Variants in GARNL3 observed in about 807,000 individuals in gnomAD.
The protein encoded by GARNL3 is GTPase activating Rap/RanGAP domain like 3.
A neutral mutation model predicts 125.0 loss-of-function variants in GARNL3; 63 were observed. The ratio of observed to expected loss-of-function variants is 0.50; its 90% CI spans 0.41 to 0.62. The LOEUF is 0.62. Among genes scored for constraint, GARNL3 ranks in the 20% least tolerant of loss-of-function variants. The probability of loss-of-function intolerance (pLI) is 0.00; values close to 1 mark genes in which losing one functional copy is unlikely to be tolerated. For missense variants in GARNL3, 994 were observed against 1,244.0 expected, an observed-to-expected ratio of 0.80 and a Z score of 3.02; for synonymous variants, 439 against 457.5, an observed-to-expected ratio of 0.96 and a Z score of 0.52.
chr9:127,349,993 A>G (rs1228569765), intron 17 of GARNL3, among the ~76,000 whole-genome samples: 1 of 152,072 alleles, frequency 6.6e-6, no homozygotes, highest in Non-Finnish European at 1.5e-5. Flanking sequence ...TTTACCGAAC[A>G]CCTGCTGTGT....
intron 18 of GARNL3, among the ~76,000 whole-genome samples, 154 bp from the exon 19 acceptor site, chr9:127,354,140 G>A (rs1040759042): frequency 3.9e-5 from 6 of 152,160 alleles, no homozygotes; most frequent in Non-Finnish European, 5.9e-5. Flanking sequence ...GGGTGCATAC[G>A]TAATTGCATT....
chr9:127,307,217 A>G (rs569156363), intron 2 of GARNL3, among the ~76,000 whole-genome samples: 2 of 152,336 alleles, frequency 1.3e-5, no homozygotes, highest in South Asian at 4.1e-4. Context: ...TAGAACTGGC[A>G]TAGAGCATTG....
At chr9:127,321,737 G>A (rs867621412) in intron 6 of GARNL3, among the ~76,000 whole-genome samples, 2 of 152,192 alleles carry the variant, frequency 1.3e-5, no homozygotes, top group Admixed American at 1.3e-4. Context: ...TGAGATTGAA[G>A]TAGTTGGGTA....
At chr9:127,281,516 T>G in intron 1 of GARNL3, among the ~76,000 whole-genome samples, 1 of 152,136 alleles carries the variant, frequency 6.6e-6, no homozygotes, top group Admixed American at 6.5e-5. Flanking sequence ...AGCACCCAGC[T>G]GCCCAGCTGC....
chr9:127,339,073 G>A (rs570160447), intron 12 of GARNL3, among the ~76,000 whole-genome samples: 3 of 152,178 alleles, frequency 2.0e-5, no homozygotes, highest in South Asian at 4.1e-4. Context: ...TGAGGCGGGC[G>A]GATCACGAGG....
chr9:127,228,888 A>G (rs1305277417), intron 1 of GARNL3, among the ~76,000 whole-genome samples: 2 of 152,134 alleles, frequency 1.3e-5, no homozygotes, highest in Admixed American at 6.5e-5. Flanking sequence ...CAGTGGCTCA[A>G]TCTCGGCTCA....
chr9:127,260,178 G>A (rs1158983086), upstream of GARNL3, among the ~76,000 whole-genome samples: 1 of 152,176 alleles, frequency 6.6e-6, no homozygotes, highest in Non-Finnish European at 1.5e-5. Flanking sequence ...GGACTACATT[G>A]CATCTCCTCC....
intron 22 of GARNL3, among the ~76,000 whole-genome samples, chr9:127,377,792 C>CAAAAA (rs56965235): frequency 1.5e-5 from 1 of 67,492 alleles, no homozygotes; most frequent in African/African-American, 5.3e-5. Flanking sequence ...GACTCCGTCT[C>CAAAAA]AAAAAAAAAA....
chr9:127,311,855 G>T, intron 3 of GARNL3, 120 bp downstream of exon 3: 1 of 647,378 alleles, frequency 1.5e-6, no homozygotes, highest in Non-Finnish European at 2.7e-6. Context: ...TAACATCAGG[G>T]CATTTCACTT....
In GARNL3 at chr9:127,387,174, G is replaced by C; in HGVS notation, c.2389-19G>C. ...CTAGAACACCAGGCAGCCCGGTAAT[G>C]CTCTCTCTTCCTTTCTAGTCGGATA... On this transcript the variant is annotated intron_variant, in intron 24 of 27. Coordinates refer to ENST00000373387, the MANE Select transcript of GARNL3 (RefSeq NM_032293.5). 1 of 1,606,930 alleles carries C rather than the reference G, an allele frequency of 6.2e-7. No homozygotes were observed. The highest frequency in any genetic ancestry group is 1.1e-5 in the South Asian group (1 of 90,258).
At chr9:127,230,987 TATATGTATATATACAC>T in intron 1 of GARNL3, among the ~76,000 whole-genome samples, 1 of 144,030 alleles carries the variant, frequency 6.9e-6, no homozygotes, top group Non-Finnish European at 1.5e-5. Context: ...TGTATACACA[TATATGTATATATACAC>T]ATATGTGTAT....
chr9:127,261,407 GTTTTTTTTTTT>G (rs377048911), upstream of GARNL3, among the ~76,000 whole-genome samples: 3,939 of 117,148 alleles, frequency 0.034, 216 homozygotes, highest in African/African-American at 0.14. Context: ...TTTTTTGTTG[GTTTTTTTTTTT>G]TTTTTTTTTG....
chr9:127,339,853 C>A, intron 13 of GARNL3, 102 bp downstream of exon 13: 1 of 801,512 alleles, frequency 1.2e-6, no homozygotes, highest in Non-Finnish European at 2.2e-6. Context: ...ATTGTTTAAG[C>A]ATTCCATGTT....
rs1564152412 is a variant in GARNL3, at chr9:127,336,116, TGC to T, written c.874-11_874-10del. ...GAGTCTTTCTCAGTGATGTTATTTA[TGC>T]TCACTACAGGTGGAAAGGAAACGCC... On this transcript the variant is annotated splice_polypyrimidine_tract_variant and intron_variant, in intron 10 of 27. Transcript: ENST00000373387. The T allele has an allele frequency of 6.3e-7, 1 of 1,584,500 alleles. No homozygotes were observed.
At chr9:127,307,783 TA>T (rs1184522676) in intron 2 of GARNL3, among the ~76,000 whole-genome samples, 1 of 152,090 alleles carries the variant, frequency 6.6e-6, no homozygotes, top group Non-Finnish European at 1.5e-5. Context: ...ATGTGTCAAG[TA>T]AATAAAAGTT....
intron 20 of GARNL3, among the ~76,000 whole-genome samples, chr9:127,355,720 A>G (rs560732642): frequency 6.6e-6 from 1 of 152,312 alleles, no homozygotes; most frequent in South Asian, 2.1e-4. Context: ...AAGTCTTCTG[A>G]TGGGGATTAC....
In GARNL3 at chr9:127,392,155, G is replaced by A. The variant is rs1191534885; in HGVS notation, c.2871-928G>A. ...GGGGCAGGGAGGGTCTCAAACATCA[G>A]GGGAGGCTGAGCCTCCTCTCAGAAG... On this transcript the variant is annotated intron_variant, in intron 27 of 27. Coordinates refer to ENST00000373387, the MANE Select transcript of GARNL3 (RefSeq NM_032293.5). The surrounding 1 kb of genome is among the most constrained non-coding windows in gnomAD (Gnocchi z 5.2). Among the ~76,000 whole-genome samples, 1 of 152,230 alleles carries A rather than the reference G, an allele frequency of 6.6e-6. No homozygotes were observed. The highest frequency in any genetic ancestry group is 2.4e-5 in the African/African-American group (1 of 41,456).
intron 9 of GARNL3, among the ~76,000 whole-genome samples, chr9:127,333,941 C>T (rs893457133): frequency 6.6e-6 from 1 of 152,122 alleles, no homozygotes; most frequent in Non-Finnish European, 1.5e-5. Flanking sequence ...GAAGCCTGCT[C>T]TCAGAGGCTG....
chr9:127,391,717 A>C (rs1180904172), intron 27 of GARNL3, among the ~76,000 whole-genome samples: 1 of 150,406 alleles, frequency 6.6e-6, no homozygotes, highest in African/African-American at 2.4e-5. Flanking sequence ...AAAAAAAAAA[A>C]ACACTTAGTA....
Sources: allele counts gnomAD v4.1 joint callset (sites outside exome capture counted in the v4.1 genomes callset), GRCh38; gene constraint gnomAD v4.1.1; non-coding constraint Gnocchi (gnomAD v3.1); transcripts MANE v1.5; gene names NCBI Gene and HGNC (gene_info 2026-07-23, HGNC 2026-07-21).